The following SRSF1 variants were observed in gnomAD, a reference collection of about 807,000 sequenced individuals.
SRSF1 encodes serine and arginine rich splicing factor 1.
Under a neutral mutation model 25.9 loss-of-function variants are expected in SRSF1, and 1 was observed. The ratio of observed to expected loss-of-function variants is 0.04; its 90% CI spans 0.01 to 0.18. The LOEUF (loss-of-function observed/expected upper bound fraction) is 0.18, where lower values mean the gene tolerates loss of function less well. Among genes scored for constraint, SRSF1 ranks in the 10% least tolerant of loss-of-function variants. The probability of loss-of-function intolerance (pLI) is 1.00; values close to 1 mark genes in which losing one functional copy is unlikely to be tolerated. For synonymous variants in SRSF1, 132 were observed against 126.2 expected (o/e 1.05, Z -0.31); for missense variants, 65 against 350.5 (o/e 0.19, Z 6.50).
At chr17:57,995,861 G>A in the SRSF1 span, among the ~76,000 whole-genome samples, 1 of 152,174 alleles carries the variant, frequency 6.6e-6, no homozygotes, top group Non-Finnish European at 1.5e-5. Context: ...ACAGTATCAG[G>A]ACTGGGCGCA....
Position 58,002,331 on chromosome 17 carries a change from G to A in SRSF1, c.*3075C>T, listed in dbSNP as rs964197941. 2.0e-5 allele frequency among the ~76,000 whole-genome samples: 3 copies of A among 152,044 alleles called. No homozygotes were observed. The highest frequency in any genetic ancestry group is 1.9e-4 in the East Asian group (1 of 5,188). ...ACGTTCATTAAAATCTACCGATTGG[G>A]GTGACCTTACACATTTCTTCCACTA... On this transcript the variant is annotated 3_prime_UTR_variant, in exon 4 of 4. Coordinates refer to ENST00000258962, the MANE Select transcript of SRSF1 (RefSeq NM_006924.5).
chr17:58,007,072 G>A lies in SRSF1; in HGVS notation c.66C>T (p.Asn22=). The change falls in exon 1 of 4, where the codon AAC becomes AAT. Residue 22 remains asparagine, a synonymous_variant. Coordinates refer to ENST00000258962, the MANE Select transcript of SRSF1 (RefSeq NM_006924.5). ...GNNDCRIYVG[N]LPPDIRTKDI... ...CCTTGGTTCGGATGTCTGGAGGTAA[G>A]TTACCCACGTAGATGCGGCAATCGT... 6.2e-7 allele frequency: 1 copy of A among 1,614,212 alleles called. No individual in the cohort carries two copies. Among genetic ancestry groups the A allele is most frequent in the Middle Eastern group, 1.6e-4 (1 of 6,062 alleles).
intron 2 of SRSF1, 160 bp downstream of exon 2, chr17:58,006,183 A>G: frequency 1.9e-6 from 2 of 1,056,282 alleles, no homozygotes; most frequent in East Asian, 5.2e-5. Context: ...AATTTGGTAA[A>G]TCACCACAGC....
rs1390293094 is a variant in SRSF1, at chr17:58,001,919, A to G, written c.*3487T>C. Among the ~76,000 whole-genome samples, 3 of 152,234 alleles carry G rather than the reference A, an allele frequency of 2.0e-5. No individual in the cohort carries two copies. Among genetic ancestry groups the G allele is most frequent in the South Asian group, 2.1e-4 (1 of 4,834 alleles). The stretch of plus-strand genomic sequence containing the variant: ...ATTTCAATGTGAGGTTAGAATTACT[A>G]TAACTTTTAGTAGAGCACATCTTTC... On this transcript the variant is annotated 3_prime_UTR_variant, in exon 4 of 4. Transcript: ENST00000258962.
intron 1 of SRSF1, 57 bp from the exon 2 acceptor site, chr17:58,006,584 A>C: frequency 6.5e-7 from 1 of 1,531,630 alleles, no homozygotes; most frequent in South Asian, 1.2e-5. Flanking sequence ...AAGCTCGCTC[A>C]GTTGGGAACC....
chr17:57,991,180 C>T, the SRSF1 span: 2 of 152,276 alleles, frequency 1.3e-5, no homozygotes, highest in Admixed American at 1.3e-4. Context: ...GGGCAAAGGG[C>T]TAATGACACA....
rs2075406991 is a variant in SRSF1, at chr17:58,003,474, GAAA to G, written c.*1929_*1931del. On this transcript the variant is annotated 3_prime_UTR_variant, in exon 4 of 4. Transcript: ENST00000258962. ...CCCAGTTAGAATCTTACATGAAGAG[GAAA>G]AAGGACAACCATGCATAGTTTTTTA... The G allele has an allele frequency of 6.6e-6, 1 of 152,100 alleles. No homozygotes were observed. The highest frequency in any genetic ancestry group is 6.5e-5 in the Admixed American group (1 of 15,280). The allele number at this position is 152,100 out of a possible 1,614,324, so 9.4% of individuals were successfully genotyped here.
the SRSF1 span, chr17:57,989,403 A>C: frequency 2.5e-6 from 1 of 398,020 alleles, no homozygotes; most frequent in Non-Finnish European, 4.4e-6. Context: ...AATTCTTCAG[A>C]TGGACGCATT....
rs1157373475 is a variant in SRSF1, at chr17:58,003,139, T to TTTTGCACAAAAGCC, written c.*2253_*2266dup. On this transcript the variant is annotated 3_prime_UTR_variant, in exon 4 of 4. Transcript: ENST00000258962. ...GTGAACATTAGTAGCCATCAACCAA[T>TTTTGCACAAAAGCC]TTTGCACAAAAGCCTATGTTGTCTA... Among the ~76,000 whole-genome samples, 1 of 152,234 alleles carries TTTTGCACAAAAGCC rather than the reference T, an allele frequency of 6.6e-6. No homozygotes were observed. The highest frequency in any genetic ancestry group is 2.4e-5 in the African/African-American group (1 of 41,462).
chr17:58,007,198 G>C lies in SRSF1; in HGVS notation c.-61C>G, dbSNP rs748765618. 14 of 1,586,870 alleles carry C rather than the reference G, an allele frequency of 8.8e-6. No individual in the cohort carries two copies. Among genetic ancestry groups the C allele is most frequent in the Middle Eastern group, 1.7e-4 (1 of 5,974 alleles). On this transcript the variant is annotated 5_prime_UTR_variant, in exon 1 of 4. Transcript: ENST00000258962. ...TTCCCACCAAGCCTAGCGCACGGCAGAGCGAGCCCGCAGCGGCACCACGTC... is the reference window on the plus strand; with the variant it reads ...TTCCCACCAAGCCTAGCGCACGGCACAGCGAGCCCGCAGCGGCACCACGTC...
the SRSF1 span, chr17:57,990,949 T>C: frequency 6.6e-6 from 1 of 152,242 alleles, no homozygotes; most frequent in Admixed American, 6.5e-5. Context: ...TGGTCACCTG[T>C]GGATTTAATG....
the SRSF1 span, chr17:57,993,505 T>C: frequency 6.6e-6 from 1 of 152,344 alleles, no homozygotes; most frequent in African/African-American, 2.4e-5. Context: ...ACAACAGCTG[T>C]ACTCAGCATC....
At position 58,005,632 on chromosome 17, in the gene SRSF1, A is replaced by T; in HGVS notation, c.553-32T>A. ...GATAGACAGAACTTTCCATTGAAAGATCTAAGCTTTCATCTATCTTCAGAC... is the reference window on the plus strand; with the variant it reads ...GATAGACAGAACTTTCCATTGAAAGTTCTAAGCTTTCATCTATCTTCAGAC... On this transcript the variant is annotated intron_variant, in intron 3 of 3. Transcript: ENST00000258962. This position sits in a 1 kb window ranked among gnomAD's most constrained non-coding sequence, Gnocchi z 5.2. The T allele has an allele frequency of 6.2e-7, 1 of 1,611,898 alleles. No individual in the cohort carries two copies. The highest frequency in any genetic ancestry group is 8.5e-7 in the Non-Finnish European group (1 of 1,178,280).
At chr17:58,006,034 A>G in intron 2 of SRSF1, 61 bp from the exon 3 acceptor site, 1 of 1,506,178 alleles carries the variant, frequency 6.6e-7, no homozygotes, top group East Asian at 2.3e-5. Flanking sequence ...TTAAGCTGGT[A>G]AGGTACATTA....
At chr17:57,995,544 T>A in the SRSF1 span, among the ~76,000 whole-genome samples, 1 of 152,204 alleles carries the variant, frequency 6.6e-6, no homozygotes, top group Non-Finnish European at 1.5e-5. Flanking sequence ...TGTGACTAGA[T>A]GTAGTCCTAC....
At chr17:57,990,642 T>C in the SRSF1 span, 3 of 152,210 alleles carry the variant, frequency 2.0e-5, no homozygotes, top group East Asian at 3.8e-4. Flanking sequence ...TTCCACAGAC[T>C]ATATACTGGG....
At chr17:57,997,281 T>C (rs1290796774), downstream of SRSF1, among the ~76,000 whole-genome samples, 1 of 152,212 alleles carries the variant, frequency 6.6e-6, no homozygotes, top group Non-Finnish European at 1.5e-5. Flanking sequence ...TCAAATTTTC[T>C]GGCTTCACAT....
chr17:58,005,361 A>G lies in SRSF1; in HGVS notation c.*45T>C. On this transcript the variant is annotated 3_prime_UTR_variant, in exon 4 of 4. Transcript: ENST00000258962. This position sits in a 1 kb window ranked among gnomAD's most constrained non-coding sequence, Gnocchi z 5.2. ...TGAAAAGATTGTACTGAATAAAGGAAAACTGTATACAACATGGGTTCTACA... is the reference window on the plus strand; with the variant it reads ...TGAAAAGATTGTACTGAATAAAGGAGAACTGTATACAACATGGGTTCTACA... 1.3e-6 allele frequency: 2 copies of G among 1,599,166 alleles called. No individual in the cohort carries two copies. The highest frequency in any genetic ancestry group is 1.7e-6 in the Non-Finnish European group (2 of 1,168,406).
chr17:57,999,855 T>A (rs1474533112), downstream of SRSF1, among the ~76,000 whole-genome samples: 1 of 152,204 alleles, frequency 6.6e-6, no homozygotes. Context: ...GTTTCCACTA[T>A]CTTCATGTCC....
Sources: allele counts gnomAD v4.1 joint callset (sites outside exome capture counted in the v4.1 genomes callset), GRCh38; gene constraint gnomAD v4.1.1; non-coding constraint Gnocchi (gnomAD v3.1); transcripts MANE v1.5; gene names NCBI Gene and HGNC (gene_info 2026-07-23, HGNC 2026-07-21).